The following BRSK1 variants were observed in gnomAD, a reference collection of about 807,000 sequenced individuals.
BRSK1 encodes the protein serine/threonine-protein kinase BRSK1.
BRSK1 carries 17 observed loss-of-function variants against 86.2 expected under a neutral mutation model. That is an observed-to-expected ratio of 0.20 (90% CI 0.14 to 0.30). The LOEUF is 0.30. Among genes scored for constraint, BRSK1 ranks in the 10% least tolerant of loss-of-function variants. The pLI is 1.00. For synonymous variants in BRSK1, 464 were observed against 440.1 expected, an observed-to-expected ratio of 1.05 and a Z score of -0.68; for missense variants, 719 against 1,071.9, an observed-to-expected ratio of 0.67 and a Z score of 4.60.
chr19:55,306,502 CAGCTG>C lies in BRSK1; in HGVS notation c.2089+55_2089+59del. ...AGCCCAGTGCTGGGACTGTTCACGACAGCTGAGACAGTGTAGGGGCCCAGGAGTGC... is the reference window on the plus strand; with the variant it reads ...AGCCCAGTGCTGGGACTGTTCACGACAGACAGTGTAGGGGCCCAGGAGTGC... On this transcript the variant is annotated intron_variant, in intron 17 of 18. Transcript: ENST00000309383. This position sits in a 1 kb window ranked among gnomAD's most constrained non-coding sequence, Gnocchi z 4.7. 1 of 1,588,798 alleles carries C rather than the reference CAGCTG, an allele frequency of 6.3e-7. No individual in the cohort carries two copies.
intron 7 of BRSK1, among the ~76,000 whole-genome samples, chr19:55,295,345 A>G (rs2088470726): frequency 6.6e-6 from 1 of 151,678 alleles, no homozygotes; most frequent in Non-Finnish European, 1.5e-5. Flanking sequence ...TCGGTCTCAA[A>G]CTCCTGGGCT....
At chr19:55,285,565 C>A (rs2088297707) in intron 1 of BRSK1, among the ~76,000 whole-genome samples, 1 of 152,178 alleles carries the variant, frequency 6.6e-6, no homozygotes, top group African/African-American at 2.4e-5. Flanking sequence ...GGGCCTAAGA[C>A]ATTCTCCCCT....
Position 55,306,189 on chromosome 19 carries a change from T to C in BRSK1, c.1891-63T>C. ...GGACTCGTAGTTCCTTGGCCAGAGC[T>C]GGTCGTGGGGCTGGGTATCCATTTC... On this transcript the variant is annotated intron_variant, in intron 16 of 18. Transcript: ENST00000309383. This position sits in a 1 kb window ranked among gnomAD's most constrained non-coding sequence, Gnocchi z 4.7. 1 of 1,558,456 alleles carries C rather than the reference T, an allele frequency of 6.4e-7. No individual in the cohort carries two copies. The highest frequency in any genetic ancestry group is 8.8e-7 in the Non-Finnish European group (1 of 1,138,490).
intron 14 of BRSK1, 152 bp from the exon 15 acceptor site, chr19:55,305,169 C>A: frequency 8.3e-7 from 1 of 1,202,496 alleles, no homozygotes; most frequent in Non-Finnish European, 1.2e-6. Context: ...CCCATTGGCC[C>A]GTGGTTTGTG....
At chr19:55,286,379 C>T (rs904025409) in intron 1 of BRSK1, among the ~76,000 whole-genome samples, 1 of 151,506 alleles carries the variant, frequency 6.6e-6, no homozygotes. Flanking sequence ...GCTAGGAGAC[C>T]GGACATACCC....
intron 8 of BRSK1, among the ~76,000 whole-genome samples, chr19:55,301,888 A>G (rs1033278624): frequency 1.3e-5 from 2 of 152,170 alleles, no homozygotes; most frequent in African/African-American, 2.4e-5. Context: ...GCGCAGGAGT[A>G]AGGAGGCGAA....
chr19:55,303,470 G>A lies in BRSK1; in HGVS notation c.1126+62G>A, dbSNP rs1427733829. On this transcript the variant is annotated intron_variant, in intron 11 of 18. Coordinates refer to ENST00000309383, the MANE Select transcript of BRSK1 (RefSeq NM_032430.2). This position sits in a 1 kb window ranked among gnomAD's most constrained non-coding sequence, Gnocchi z 5.1. ...CTCGAGATTGGAAGAGGCTGGCCACGGGGACCCCAGATTCCCAAGGAAAGA... is the reference window on the plus strand; with the variant it reads ...CTCGAGATTGGAAGAGGCTGGCCACAGGGACCCCAGATTCCCAAGGAAAGA... 17 of 1,552,416 alleles carry A rather than the reference G, an allele frequency of 1.1e-5. No individual in the cohort carries two copies. Among genetic ancestry groups the A allele is most frequent in the South Asian group, 2.2e-5 (2 of 89,732 alleles).
At chr19:55,295,963 T>A (rs549308018) in intron 7 of BRSK1, among the ~76,000 whole-genome samples, 4 of 152,152 alleles carry the variant, frequency 2.6e-5, no homozygotes, top group Non-Finnish European at 4.4e-5. Flanking sequence ...AGTGAGACCC[T>A]ATCTAAAAAT....
At chr19:55,305,056 G>T in intron 14 of BRSK1, 136 bp downstream of exon 14, 1 of 1,378,294 alleles carries the variant, frequency 7.3e-7, no homozygotes. Context: ...GAGAAGAGGG[G>T]GTTTGAAGCA....
At chr19:55,309,133 T>C (rs1165562432) in intron 18 of BRSK1, among the ~76,000 whole-genome samples, 1 of 152,064 alleles carries the variant, frequency 6.6e-6, no homozygotes, top group Admixed American at 6.6e-5. Flanking sequence ...CCTGGTTTGC[T>C]TGGGACTGAA....
intron 17 of BRSK1, among the ~76,000 whole-genome samples, chr19:55,307,467 T>G (rs1251367643): frequency 1.4e-5 from 2 of 147,478 alleles, no homozygotes; most frequent in Non-Finnish European, 3.0e-5. Flanking sequence ...GAGAATCGCT[T>G]GAACTCAGGA....
In BRSK1 at chr19:55,312,033, A is replaced by G; in HGVS notation, c.2302A>G (p.Lys768Glu). The change falls in exon 19 of 19, where the codon AAG (lysine) becomes GAG (glutamate). Residue 768 changes from lysine to glutamate, a missense_variant. By Grantham distance (56) the Lys-to-Glu change is moderately conservative. This residue lies in a region of BRSK1 where 82 missense variants were observed against 72.6 expected (regional missense o/e 1.13). Coordinates refer to ENST00000309383, the MANE Select transcript of BRSK1 (RefSeq NM_032430.2). Reference protein sequence around the residue: ...SPRRGPPKDKKLLATNGTPLP With the variant: ...SPRRGPPKDKELLATNGTPLP ...CCGCCGAGGCCCCCCCAAGGACAAG[A>G]AGCTCCTGGCCACCAACGGGACCCC... The G allele has an allele frequency of 6.7e-7, 1 of 1,494,726 alleles. No individual in the cohort carries two copies. The highest frequency in any genetic ancestry group is 8.9e-7 in the Non-Finnish European group (1 of 1,121,272). The allele number at this position is 1,494,726 out of a possible 1,614,324, so 92.6% of individuals were successfully genotyped here. A position where few individuals can be genotyped will look rare whatever the true frequency, so the allele number is the denominator to read the frequency against.
chr19:55,284,023 G>A lies in BRSK1; in HGVS notation c.-420G>A. ...GATGGTGATGTCAGCGTGCCGGAGA[G>A]AAAGGACGAGGTGGCGGGGGGAGGC... is the stretch of plus-strand genomic sequence containing the variant. On this transcript the variant is annotated 5_prime_UTR_variant, in exon 1 of 19. Transcript: ENST00000309383. 1.6e-6 allele frequency: 2 copies of A among 1,236,736 alleles called. No homozygotes were observed. Among genetic ancestry groups the A allele is most frequent in the Non-Finnish European group, 2.0e-6 (2 of 991,204 alleles). 76.6% of individuals were successfully genotyped at this position (1,236,736 alleles called of 1,614,324 possible). A position where few individuals can be genotyped will look rare whatever the true frequency, so the allele number is the denominator to read the frequency against.
intron 7 of BRSK1, among the ~76,000 whole-genome samples, chr19:55,301,296 C>T (rs561884005): frequency 1.3e-5 from 2 of 152,220 alleles, no homozygotes; most frequent in East Asian, 1.9e-4. Context: ...ACAGCCTCCA[C>T]GCTGCAATTC....
At position 55,311,994 on chromosome 19, in the gene BRSK1, C is replaced by T. The variant is rs1333407002; in HGVS notation, c.2263C>T (p.Leu755=). The change falls in exon 19 of 19, where the codon CTG becomes TTG. Residue 755 remains leucine, a synonymous_variant. Transcript: ENST00000309383. ...CCCACCCGGCCGCCCAGACCCAGAG[C>T]TGAGCAGCTCTCCCCGCCGAGGCCC... The part of the protein sequence containing the change: ...QPPPGRPDPE[L]SSSPRRGPPK... 2.6e-6 allele frequency: 4 copies of T among 1,554,612 alleles called. No individual in the cohort carries two copies. Among genetic ancestry groups the T allele is most frequent in the East Asian group, 2.4e-5 (1 of 42,258 alleles).
At chr19:55,285,693 G>T (rs1444435173) in intron 1 of BRSK1, among the ~76,000 whole-genome samples, 1 of 152,162 alleles carries the variant, frequency 6.6e-6, no homozygotes, top group Non-Finnish European at 1.5e-5. Context: ...GTTGCTGAAC[G>T]CTGGCCACCG....
In BRSK1 at chr19:55,294,056, G is replaced by A; in HGVS notation, c.498G>A (p.Glu166=). The change falls in exon 5 of 19, where the codon GAG becomes GAA. Residue 166 remains glutamate (E), a synonymous_variant. Transcript: ENST00000309383. The surrounding 1 kb of genome is among the most constrained non-coding windows in gnomAD (Gnocchi z 4.9). ...AGCCCGAGAACCTGCTTTTGGATGAGAAAAACAACATCCGCATTGCAGACT... is the reference window on the plus strand; with the variant it reads ...AGCCCGAGAACCTGCTTTTGGATGAAAAAAACAACATCCGCATTGCAGACT... ...DLKPENLLLD[E]KNNIRIADFG... is the part of the protein sequence containing the mutation. 1 of 1,613,950 alleles carries A rather than the reference G, an allele frequency of 6.2e-7. No homozygotes were observed. The highest frequency in any genetic ancestry group is 8.5e-7 in the Non-Finnish European group (1 of 1,179,916).
In BRSK1 at chr19:55,303,681, C is replaced by A; in HGVS notation, c.1141C>A (p.Arg381Ser). ...PRNDVDPPRK[R>S]VDSPMLSRHG... ...TTGTCCCTCAGACCCCCCCCGGAAG[C>A]GTGTGGATTCTCCCATGCTGAGCCG... Residue 381 changes from arginine (R) to serine (S), a missense_variant, in exon 12 of 19, where the codon CGT (arginine) becomes AGT (serine). Transcript: ENST00000309383. This position sits in a 1 kb window ranked among gnomAD's most constrained non-coding sequence, Gnocchi z 5.1. 1 of 1,606,508 alleles carries A rather than the reference C, an allele frequency of 6.2e-7. No individual in the cohort carries two copies. Among genetic ancestry groups the A allele is most frequent in the Admixed American group, 1.7e-5 (1 of 58,836 alleles).
At chr19:55,295,798 A>G (rs780677926) in intron 7 of BRSK1, among the ~76,000 whole-genome samples, 1 of 152,038 alleles carries the variant, frequency 6.6e-6, no homozygotes, top group African/African-American at 2.4e-5. Flanking sequence ...GTGAAACCCC[A>G]TCTCTACTAG....
Sources: gnomAD v4.1 joint callset for allele counts (sites outside exome capture counted in the v4.1 genomes callset) on GRCh38, gnomAD v4.1.1 for gene constraint, gnomAD v4.1.1 regional missense constraint, Gnocchi (gnomAD v3.1) non-coding constraint, MANE v1.5 for transcripts, NCBI Gene and HGNC (gene_info 2026-07-23, HGNC 2026-07-21) for gene names.